EXOSC10: variants seen among roughly 807,000 people sequenced by gnomAD.
EXOSC10 encodes the protein exosome component 10.
A neutral mutation model predicts 126.6 loss-of-function variants in EXOSC10; 94 were observed. The ratio of observed to expected loss-of-function variants is 0.74; its 90% confidence interval spans 0.63 to 0.88. EXOSC10 has a LOEUF of 0.88. EXOSC10 is among the 40% of genes least tolerant of loss of function. EXOSC10 has a pLI of 0.00. For missense variants in EXOSC10, 1,041 were observed against 1,100.5 expected (o/e 0.95, Z 0.77); for synonymous variants, 395 against 400.8 (o/e 0.99, Z 0.17).
chr1:11,083,569 A>AAAAAAAAAAAAAAAAAAAC, intron 9 of EXOSC10, among the ~76,000 whole-genome samples: 1 of 150,612 alleles, frequency 6.6e-6, no homozygotes, highest in African/African-American at 2.5e-5. Context: ...TCTCAAAAAA[A>AAAAAAAAAAAAAAAAAAAC]AAAAAAAAAA....
Position 11,090,634 on chromosome 1 carries a change from A to T in EXOSC10, c.678T>A (p.Asp226Glu), listed in dbSNP as rs1426137207. ...LSKERRERPQ[D>E]RPEDLDVPPA... ...GGGGGACGTCCAAGTCCTCAGGACG[A>T]TCCTGTGGGCGTTCCCGCCTTTCCT... is the stretch of plus-strand genomic sequence containing the variant. Residue 226 changes from aspartate to glutamate, a missense_variant, in exon 6 of 25, where the codon GAT becomes GAA. Transcript: ENST00000376936. The T allele has an allele frequency of 5.0e-6, 8 of 1,613,074 alleles. No individual in the cohort carries two copies. Among genetic ancestry groups the T allele is most frequent in the Admixed American group, 1.7e-5 (1 of 59,758 alleles).
At chr1:11,099,621 G>T in intron 1 of EXOSC10, 100 bp downstream of exon 1, 1 of 1,331,384 alleles carries the variant, frequency 7.5e-7, no homozygotes, top group Non-Finnish European at 1.0e-6. Flanking sequence ...CCCTCGCTCG[G>T]GCTCCACTAC....
Position 11,085,683 on chromosome 1 carries a change from C to T in EXOSC10, c.1089+1765G>A, listed in dbSNP as rs528429534. 2.6e-5 allele frequency among the ~76,000 whole-genome samples: 4 copies of T among 152,024 alleles called. No homozygotes were observed. The East Asian group carries it at 7.8e-4, about 29-fold the overall frequency. On this transcript the variant is annotated intron_variant, in intron 9 of 24. Transcript: ENST00000376936. ...TTGAATAGGAGTGGTGAGAGAGGGCCTCCCTGTCTTGTGCCAGTTTTCAAA... is the reference window on the plus strand; with the variant it reads ...TTGAATAGGAGTGGTGAGAGAGGGCTTCCCTGTCTTGTGCCAGTTTTCAAA...
chr1:11,084,416 T>A (rs1640371117), intron 9 of EXOSC10, among the ~76,000 whole-genome samples: 1 of 152,252 alleles, frequency 6.6e-6, no homozygotes, highest in African/African-American at 2.4e-5. Context: ...TTTGGCTGCA[T>A]AAATGTCTTC....
intron 3 of EXOSC10, among the ~76,000 whole-genome samples, chr1:11,093,941 G>A (rs867736443): frequency 1.7e-4 from 26 of 152,014 alleles, no homozygotes; most frequent in African/African-American, 6.0e-4. Context: ...TCAGCCAGAC[G>A]TGGTGGTGCA....
In EXOSC10 at chr1:11,074,286, A is replaced by G; in HGVS notation, c.2027T>C (p.Val676Ala). The change falls in exon 18 of 25, where the codon GTT (valine) becomes GCT (alanine). Residue 676 changes from valine (V) to alanine (A), a missense_variant. Coordinates refer to ENST00000376936, the MANE Select transcript of EXOSC10 (RefSeq NM_001001998.3). Reference protein sequence around the residue: ...AEDSKKGPLTVAQKKAQNIME... With the variant: ...AEDSKKGPLTAAQKKAQNIME... Reference sequence around the variant, plus strand: ...GATGTTCTGGGCTTTTTTCTGTGCAACTGTCAATGGACCCTTTTTACTGTC... The same window carrying G: ...GATGTTCTGGGCTTTTTTCTGTGCAGCTGTCAATGGACCCTTTTTACTGTC... 1.9e-6 allele frequency: 3 copies of G among 1,614,168 alleles called. No individual in the cohort carries two copies. Among genetic ancestry groups the G allele is most frequent in the Non-Finnish European group, 2.5e-6 (3 of 1,180,000 alleles).
chr1:11,068,123 T>C, intron 23 of EXOSC10, 39 bp from the exon 24 acceptor site: 1 of 1,559,760 alleles, frequency 6.4e-7, no homozygotes, highest in Non-Finnish European at 8.8e-7. Context: ...GGTGGGCACC[T>C]TGACCACAAG....
rs70977543 is a variant in EXOSC10 at position 11,080,563 on chromosome 1, A to AAC, written c.1587-16_1587-15dup. ...GGCAGTACATATCTGGAAAAAAAAA[A>AAC]ACACACACACACACACACACACACA... On this transcript the variant is annotated splice_polypyrimidine_tract_variant and intron_variant, in intron 12 of 24. Transcript: ENST00000376936. The AAC allele has an allele frequency of 9.3e-3, 13,173 of 1,414,278 alleles. 35 individuals carry two copies. The highest frequency in any genetic ancestry group is 0.014 in the South Asian group (1,107 of 79,318). 87.6% of individuals were successfully genotyped at this position (1,414,278 alleles called of 1,614,324 possible).
chr1:11,098,021 A>G lies in EXOSC10; in HGVS notation c.247T>C (p.Cys83Arg). 1 of 1,606,976 alleles carries G rather than the reference A, an allele frequency of 6.2e-7. No homozygotes were observed. The highest frequency in any genetic ancestry group is 8.5e-7 in the Non-Finnish European group (1 of 1,177,792). ...CETQGDRLLQ[C>R]MSRVMQYHGC... ...AAGAAAACAAAGTACAGTACTTACC[A>G]CTGAAGCAACCTGTCTCCCTGTGTT... Residue 83 changes from cysteine to arginine, a missense_variant and splice_region_variant, in exon 2 of 25, where the codon TGC (cysteine) becomes CGC (arginine). Coordinates refer to ENST00000376936, the MANE Select transcript of EXOSC10 (RefSeq NM_001001998.3).
intron 24 of EXOSC10, 53 bp downstream of exon 24, chr1:11,067,955 G>C: frequency 1.3e-6 from 2 of 1,527,066 alleles, no homozygotes; most frequent in South Asian, 2.3e-5. Context: ...CACCACGCAG[G>C]GCAGGTGCTT....
At chr1:11,075,311 G>C (rs762660265) in intron 17 of EXOSC10, among the ~76,000 whole-genome samples, 2 of 152,128 alleles carry the variant, frequency 1.3e-5, no homozygotes, top group East Asian at 3.9e-4. Flanking sequence ...GAGCCACCAC[G>C]CCAGGCCTGA....
intron 14 of EXOSC10, among the ~76,000 whole-genome samples, chr1:11,078,902 A>T (rs192662883): frequency 2.6e-4 from 40 of 152,164 alleles, no homozygotes; most frequent in African/African-American, 6.7e-4. Flanking sequence ...CAACTATCAT[A>T]AAAAAAAGCA....
chr1:11,099,664 G>A (rs1641322879), intron 1 of EXOSC10, 57 bp downstream of exon 1: 1 of 1,506,620 alleles, frequency 6.6e-7, no homozygotes, highest in Non-Finnish European at 8.9e-7. Flanking sequence ...AGAGGGCCCA[G>A]TCGGCTTCCG....
intron 3 of EXOSC10, among the ~76,000 whole-genome samples, chr1:11,092,365 C>T (rs1175770937): frequency 6.6e-6 from 1 of 151,868 alleles, no homozygotes; most frequent in Non-Finnish European, 1.5e-5. Context: ...CAGGCATGCA[C>T]CACCACGCCC....
intron 1 of EXOSC10, among the ~76,000 whole-genome samples, chr1:11,098,681 A>G (rs546724419): frequency 6.6e-6 from 1 of 152,242 alleles, no homozygotes; most frequent in African/African-American, 2.4e-5. Context: ...GCATCTAAAA[A>G]CAATACAAGC....
At position 11,095,810 on chromosome 1, in the gene EXOSC10, T is replaced by A; in HGVS notation, c.320A>T (p.Glu107Val). The A allele has an allele frequency of 6.2e-7, 1 of 1,614,096 alleles. No individual in the cohort carries two copies. Among genetic ancestry groups the A allele is most frequent in the Non-Finnish European group, 8.5e-7 (1 of 1,179,916 alleles). Residue 107 changes from glutamate to valine, a missense_variant, in exon 3 of 25, where the codon GAA (glutamate) becomes GTA (valine). By Grantham distance (121) the Glu-to-Val change is moderately radical. This residue lies in a region of EXOSC10 where 645 missense variants were observed against 656.3 expected (regional missense o/e 0.98). Transcript: ENST00000376936. ...IKDRSKVTEL[E>V]DKFDLLVDAN... ...ATCAACTAGTAAATCAAACTTGTCT[T>A]CCAGCTCAGTCACTTTACTTCGATC...
At chr1:11,091,432 G>A in intron 4 of EXOSC10, 61 bp downstream of exon 4, 5 of 1,422,922 alleles carry the variant, frequency 3.5e-6, no homozygotes, top group Non-Finnish European at 4.9e-6. Context: ...ATGTTAGAAT[G>A]AGCAAAATCT....
chr1:11,072,049 T>C (rs1639530803), intron 20 of EXOSC10, 38 bp downstream of exon 20: 1 of 1,556,312 alleles, frequency 6.4e-7, no homozygotes, highest in East Asian at 2.2e-5. Context: ...ACAGCCATTC[T>C]TTAACAGCCG....
At chr1:11,094,199 A>G (rs184374638) in intron 3 of EXOSC10, among the ~76,000 whole-genome samples, 2 of 152,264 alleles carry the variant, frequency 1.3e-5, no homozygotes, top group Admixed American at 1.3e-4. Flanking sequence ...CTGGTTCTGG[A>G]ACTCCTGAGC....
Sources: gnomAD v4.1 joint callset for allele counts (sites outside exome capture counted in the v4.1 genomes callset) on GRCh38, gnomAD v4.1.1 for gene constraint, gnomAD v4.1.1 regional missense constraint, MANE v1.5 for transcripts, NCBI Gene and HGNC (gene_info 2026-07-23, HGNC 2026-07-21) for gene names.